The following KDM4B variants were observed in gnomAD, a reference collection of about 807,000 sequenced individuals.
The protein encoded by KDM4B is lysine demethylase 4B.
In KDM4B, 32 loss-of-function variants were observed where a neutral mutation model predicts 125.2. The observed-to-expected ratio is 0.26, with a 90% CI of 0.19 to 0.34. The LOEUF (loss-of-function observed/expected upper bound fraction) is 0.34. Among genes scored for constraint, KDM4B ranks in the 10% least tolerant of loss-of-function variants. The pLI, the probability that KDM4B is intolerant of heterozygous loss-of-function variation, is 1.00. For missense variants in KDM4B, 1,190 were observed against 1,577.7 expected (o/e 0.75, Z 4.16); for synonymous variants, 721 against 677.9 (o/e 1.06, Z -0.99).
At position 5,060,449 on chromosome 19, in the gene KDM4B, AAAAAAAAAAAAAAAG is replaced by A. The variant is rs889983966; in HGVS notation, c.627-10560_627-10546del. Reference sequence around the variant, plus strand: ...CTCTGTCTCCAAAAAAAAAAAAAAAAAAAAAAAAAAAAAAGGGAGCCATGATTGTTCTCCAGCTGC... The same window carrying A: ...CTCTGTCTCCAAAAAAAAAAAAAAAAGGAGCCATGATTGTTCTCCAGCTGC... On this transcript the variant is annotated intron_variant, in intron 6 of 22. Coordinates refer to ENST00000159111, the MANE Select transcript of KDM4B (RefSeq NM_015015.3). Among the ~76,000 whole-genome samples, 16 of 146,488 alleles carry A rather than the reference AAAAAAAAAAAAAAAG, an allele frequency of 1.1e-4. 1 individual carries two copies. The highest frequency in any genetic ancestry group is 8.0e-4 in the East Asian group (4 of 5,000).
rs904147559 is a variant in KDM4B, at chr19:5,152,166, C to G, written c.*655C>G. 2 of 152,232 alleles carry G rather than the reference C, an allele frequency of 1.3e-5. No homozygotes were observed. The highest frequency in any genetic ancestry group is 4.8e-5 in the African/African-American group (2 of 41,458). 9.4% of individuals were successfully genotyped at this position (152,232 alleles called of 1,614,324 possible). A position where few individuals can be genotyped will look rare whatever the true frequency, so the allele number is the denominator to read the frequency against. The stretch of plus-strand genomic sequence containing the variant: ...CAGCCCGGTCACTCACGGCCTCGCT[C>G]TCGCCTCACCCCGGCTCCTGGGCTT... On this transcript the variant is annotated 3_prime_UTR_variant, in exon 23 of 23. Transcript: ENST00000159111.
In KDM4B at chr19:4,971,213, T is replaced by TA. The variant is rs2034247203; in HGVS notation, c.-109+1984dup. Among the ~76,000 whole-genome samples, 1 of 152,010 alleles carries TA rather than the reference T, an allele frequency of 6.6e-6. No homozygotes were observed. The highest frequency in any genetic ancestry group is 6.6e-5 in the Admixed American group (1 of 15,246). ...GATGTTAACTGCTGGCGCTTAAAGG[T>TA]ATAGCTGATCAGCCACCGCACAGCA... is the stretch of plus-strand genomic sequence containing the variant. On this transcript the variant is annotated intron_variant, in intron 1 of 22. Transcript: ENST00000159111. This position sits in a 1 kb window ranked among gnomAD's most constrained non-coding sequence, Gnocchi z 4.1.
intron 1 of KDM4B, among the ~76,000 whole-genome samples, chr19:5,001,065 T>C (rs1405294309): frequency 6.6e-6 from 1 of 151,860 alleles, no homozygotes; most frequent in East Asian, 1.9e-4. Context: ...AGAGTCTTTC[T>C]CTGTTGCCCA....
Position 5,077,805 on chromosome 19 carries a change from G to T in KDM4B, c.780+335G>T, listed in dbSNP as rs1198412656. 1.7e-5 allele frequency: 5 copies of T among 289,828 alleles called. No individual in the cohort carries two copies. The East Asian group carries it at 3.8e-4, about 22-fold the overall frequency. 18.0% of individuals were successfully genotyped at this position (289,828 alleles called of 1,614,324 possible). On this transcript the variant is annotated intron_variant, in intron 8 of 22. Coordinates refer to ENST00000159111, the MANE Select transcript of KDM4B (RefSeq NM_015015.3). The stretch of plus-strand genomic sequence containing the variant: ...GGCCCTGCTGACCTGGCAGGAAGCT[G>T]CCAAAGAAACAGAGGGCAGGGCCCC...
At chr19:5,046,362 C>T (rs2037026435) in intron 5 of KDM4B, among the ~76,000 whole-genome samples, 1 of 152,242 alleles carries the variant, frequency 6.6e-6, no homozygotes, top group African/African-American at 2.4e-5. Context: ...TGCCTGGGGC[C>T]TCCCTCTGCC....
intron 1 of KDM4B, among the ~76,000 whole-genome samples, chr19:4,987,608 A>G (rs1308782080): frequency 6.6e-6 from 1 of 152,158 alleles, no homozygotes; most frequent in Non-Finnish European, 1.5e-5. Context: ...CTTTGGATTT[A>G]GCGGTCTTTT....
intron 2 of KDM4B, among the ~76,000 whole-genome samples, chr19:5,030,636 C>T (rs2036421977): frequency 6.6e-6 from 1 of 152,268 alleles, no homozygotes; most frequent in African/African-American, 2.4e-5. Flanking sequence ...CCTCCACCAG[C>T]TGCCAAAGCG....
At chr19:4,980,474 A>G (rs1186133529) in intron 1 of KDM4B, among the ~76,000 whole-genome samples, 1 of 129,994 alleles carries the variant, frequency 7.7e-6, no homozygotes, top group African/African-American at 3.0e-5. Flanking sequence ...CCCAGGCTGG[A>G]GTGCAGTGGC....
Position 5,141,721 on chromosome 19 carries a change from G to A in KDM4B, c.2551-2246G>A, listed in dbSNP as rs897780758. ...GTCAGGGGGCTCCGGCTGGCCGCCCGCCTGGGCCAAGTTATCACCACGTTC... is the reference window on the plus strand; with the variant it reads ...GTCAGGGGGCTCCGGCTGGCCGCCCACCTGGGCCAAGTTATCACCACGTTC... On this transcript the variant is annotated intron_variant, in intron 18 of 22. Transcript: ENST00000159111. The surrounding 1 kb of genome is among the most constrained non-coding windows in gnomAD (Gnocchi z 6.4). Among the ~76,000 whole-genome samples the A allele has an allele frequency of 3.3e-5, 5 of 152,334 alleles. No individual in the cohort carries two copies. The highest frequency in any genetic ancestry group is 9.6e-5 in the African/African-American group (4 of 41,584).
At chr19:5,003,142 T>G (rs1427442019) in intron 1 of KDM4B, among the ~76,000 whole-genome samples, 8 of 152,174 alleles carry the variant, frequency 5.3e-5, no homozygotes, top group African/African-American at 1.9e-4. Flanking sequence ...GGTGGGGACC[T>G]CACTTTATTG....
chr19:5,005,763 G>A (rs1197667154), intron 1 of KDM4B, among the ~76,000 whole-genome samples: 3 of 152,290 alleles, frequency 2.0e-5, no homozygotes, highest in East Asian at 1.9e-4. Flanking sequence ...ACAGGGCCAC[G>A]GGGGAGAAGG....
chr19:5,116,962 A>T (rs555995191), intron 10 of KDM4B, among the ~76,000 whole-genome samples: 8 of 152,246 alleles, frequency 5.3e-5, no homozygotes, highest in African/African-American at 1.9e-4. Context: ...GGGGATGAAG[A>T]TGTCAGGGTC....
chr19:5,104,371 C>T (rs538959248), intron 9 of KDM4B, among the ~76,000 whole-genome samples: 7 of 152,310 alleles, frequency 4.6e-5, no homozygotes, highest in Admixed American at 1.3e-4. Flanking sequence ...AATTCAGAGC[C>T]TATAATAGTT....
At chr19:5,026,507 T>G (rs1478706477) in intron 2 of KDM4B, among the ~76,000 whole-genome samples, 2 of 152,102 alleles carry the variant, frequency 1.3e-5, no homozygotes, top group Non-Finnish European at 2.9e-5. Context: ...AAACTCTTGC[T>G]CGCCCCTCTG....
chr19:5,109,516 C>CT (rs2039098344), intron 9 of KDM4B, among the ~76,000 whole-genome samples: 1 of 152,170 alleles, frequency 6.6e-6, no homozygotes, highest in Admixed American at 6.5e-5. Flanking sequence ...CGGCAGGCAG[C>CT]TGGAGGGGAC....
At chr19:5,113,003 A>G (rs1317828936) in intron 10 of KDM4B, 1 of 152,322 alleles carries the variant, frequency 6.6e-6, no homozygotes, top group Non-Finnish European at 1.5e-5. Context: ...ACCACGTTCC[A>G]GGAGTGGAAT....
chr19:5,087,886 G>A (rs927301140), intron 9 of KDM4B, among the ~76,000 whole-genome samples: 10 of 152,162 alleles, frequency 6.6e-5, no homozygotes, highest in African/African-American at 4.8e-5. Flanking sequence ...CACTGCACTC[G>A]AGTCTCTGGA....
intron 1 of KDM4B, among the ~76,000 whole-genome samples, chr19:4,989,793 C>T (rs2034974555): frequency 6.6e-6 from 1 of 152,184 alleles, no homozygotes; most frequent in African/African-American, 2.4e-5. Flanking sequence ...GCTGTGATTA[C>T]AGGCATGCGC....
intron 8 of KDM4B, among the ~76,000 whole-genome samples, chr19:5,080,189 C>T (rs759993): frequency 0.52 from 78,418 of 152,134 alleles, 21,820 homozygotes; most frequent in East Asian, 0.94. Flanking sequence ...AAAAATATCA[C>T]AGTGTTCTTA....
Sources: allele counts gnomAD v4.1 joint callset (sites outside exome capture counted in the v4.1 genomes callset), GRCh38; gene constraint gnomAD v4.1.1; non-coding constraint Gnocchi (gnomAD v3.1); transcripts MANE v1.5; gene names NCBI Gene and HGNC (gene_info 2026-07-23, HGNC 2026-07-21).